CD300LF: variants seen among roughly 807,000 people sequenced by gnomAD.
CD300LF encodes CMRF35-like molecule 1.
Under a neutral mutation model 32.2 loss-of-function variants are expected in CD300LF, and 27 were observed. The ratio of observed to expected loss-of-function variants is 0.84; its 90% CI spans 0.62 to 1.15. The LOEUF is 1.15. CD300LF is among the 50% of genes most tolerant of loss of function. The probability of loss-of-function intolerance (pLI) is 0.00; values close to 1 mark genes in which losing one functional copy is unlikely to be tolerated. For synonymous variants in CD300LF, 139 were observed against 143.2 expected, an observed-to-expected ratio of 0.97 and a Z score of 0.21; for missense variants, 348 against 356.8, an observed-to-expected ratio of 0.98 and a Z score of 0.20.
chr17:74,712,650 C>T (rs1427106053), intron 1 of CD300LF, among the ~76,000 whole-genome samples, 174 bp downstream of exon 1: 3 of 152,328 alleles, frequency 2.0e-5, no homozygotes, highest in Middle Eastern at 3.4e-3. Flanking sequence ...GAAGGTCATG[C>T]CCTGTATTCC....
At chr17:74,696,055 C>T in intron 5 of CD300LF, 140 bp downstream of exon 5, 1 of 1,282,552 alleles carries the variant, frequency 7.8e-7, no homozygotes, top group East Asian at 2.3e-5. Flanking sequence ...CCTCAGCCCC[C>T]AGGCCCTGCA....
At chr17:74,712,781 G>T in intron 1 of CD300LF, 43 bp downstream of exon 1, 3 of 1,610,996 alleles carry the variant, frequency 1.9e-6, no homozygotes, top group East Asian at 4.5e-5. Context: ...ACCTCCTCCT[G>T]CTTGCTAAGC....
intron 6 of CD300LF, 117 bp from the exon 7 acceptor site, chr17:74,695,368 C>T: frequency 8.1e-7 from 1 of 1,235,490 alleles, no homozygotes; most frequent in East Asian, 2.4e-5. Context: ...TAATCCCACT[C>T]AAGCCCTCCA....
chr17:74,694,629 A>C lies in CD300LF; in HGVS notation c.*467T>G, dbSNP rs1397462211. 1 of 152,748 alleles carries C rather than the reference A, an allele frequency of 6.5e-6. No homozygotes were observed. The highest frequency in any genetic ancestry group is 2.1e-4 in the South Asian group (1 of 4,842). The allele number at this position is 152,748 out of a possible 1,614,324, so 9.5% of individuals were successfully genotyped here. A position where few individuals can be genotyped will look rare whatever the true frequency, so the allele number is the denominator to read the frequency against. On this transcript the variant is annotated 3_prime_UTR_variant, in exon 7 of 7. Transcript: ENST00000326165. The stretch of plus-strand genomic sequence containing the variant: ...TCAGCAAGAATAACCTCTCTATCTC[A>C]AAGTCCTTAACTTACATACATCTGC...
At chr17:74,708,248 T>C (rs1049200510) in intron 1 of CD300LF, among the ~76,000 whole-genome samples, 1 of 152,092 alleles carries the variant, frequency 6.6e-6, no homozygotes, top group Non-Finnish European at 1.5e-5. Flanking sequence ...ATTCCACAGC[T>C]ATTATATTTA....
chr17:74,694,750 TA>T lies in CD300LF; in HGVS notation c.*345del, dbSNP rs950720458. On this transcript the variant is annotated 3_prime_UTR_variant, in exon 7 of 7. Transcript: ENST00000326165. ...CCATTATTCAGCCCATAACATGTGGTAGGCAATAAATAAAGGTTCATTGTAT... is the reference window on the plus strand; with the variant it reads ...CCATTATTCAGCCCATAACATGTGGTGGCAATAAATAAAGGTTCATTGTAT... 5.3e-6 allele frequency: 1 copy of T among 188,818 alleles called. No homozygotes were observed. Among genetic ancestry groups the T allele is most frequent in the African/African-American group, 2.3e-5 (1 of 42,702 alleles). The allele number at this position is 188,818 out of a possible 1,614,324, so 11.7% of individuals were successfully genotyped here.
chr17:74,701,866 A>C, intron 3 of CD300LF, among the ~76,000 whole-genome samples: 1 of 140,704 alleles, frequency 7.1e-6, no homozygotes, highest in South Asian at 2.2e-4. Context: ...AAAAAAAAAA[A>C]CAATTAGCTG....
Position 74,704,457 on chromosome 17 carries a change from C to A in CD300LF, c.382+21G>T, listed in dbSNP as rs780564137. On this transcript the variant is annotated intron_variant, in intron 2 of 6. Transcript: ENST00000326165. ...CAGAGCAGGCCCTGAGAGACACACACATATATACACTCCCTCTTACCTGGG... is the reference window on the plus strand; with the variant it reads ...CAGAGCAGGCCCTGAGAGACACACAAATATATACACTCCCTCTTACCTGGG... 1.9e-6 allele frequency: 3 copies of A among 1,556,498 alleles called. No homozygotes were observed. The South Asian group carries it at 3.5e-5, about 18-fold the overall frequency.
Position 74,695,002 on chromosome 17 carries a change from G to A in CD300LF, c.*94C>T, listed in dbSNP as rs1029945330. ...TGATCAGGCAGAGGCACCAGTCCCC[G>A]GGTTGGTCCTGATGAGGGGAGCAGG... On this transcript the variant is annotated 3_prime_UTR_variant, in exon 7 of 7. Coordinates refer to ENST00000326165, the MANE Select transcript of CD300LF (RefSeq NM_139018.5). 4.3e-5 allele frequency: 59 copies of A among 1,364,318 alleles called. No individual in the cohort carries two copies. The highest frequency in any genetic ancestry group is 9.8e-5 in the South Asian group (7 of 71,624). 84.5% of individuals were successfully genotyped at this position (1,364,318 alleles called of 1,614,324 possible).
At position 74,704,496 on chromosome 17, in the gene CD300LF, G is replaced by A. The variant is rs762766941; in HGVS notation, c.364C>T (p.Gln122Ter). Reference protein sequence around the residue: ...KTGNDLGVTVQVTIDPAPVTQ... With the variant: ...KTGNDLGVTV Reference sequence around the variant, plus strand: ...CTCTTACCTGGGTCAATGGTCACTTGAACTGTGACCCCAAGGTCATTTCCA... The same window carrying A: ...CTCTTACCTGGGTCAATGGTCACTTAAACTGTGACCCCAAGGTCATTTCCA... The change falls in exon 2 of 7, where the codon CAA becomes TAA. Residue 122 changes from glutamine to a stop codon, truncating the protein, a stop_gained. Transcript: ENST00000326165. LOFTEE classifies it high-confidence loss of function. 6 of 1,612,668 alleles carry A rather than the reference G, an allele frequency of 3.7e-6. No homozygotes were observed. Among genetic ancestry groups the A allele is most frequent in the Admixed American group, 1.7e-5 (1 of 59,974 alleles).
chr17:74,708,795 A>C lies in CD300LF; in HGVS notation c.44-3979T>G, dbSNP rs937600674. Among the ~76,000 whole-genome samples the C allele has an allele frequency of 2.0e-5, 3 of 152,054 alleles. No individual in the cohort carries two copies. In the East Asian group the frequency reaches 5.8e-4, roughly 29 times the overall value. On this transcript the variant is annotated intron_variant, in intron 1 of 6. Coordinates refer to ENST00000326165, the MANE Select transcript of CD300LF (RefSeq NM_139018.5). ...GCCAGGCGTGGTGGCGGGCGCCTGT[A>C]GTCCCAGCTACTCGGAGGCTGAGGC... is the stretch of plus-strand genomic sequence containing the variant.
intron 3 of CD300LF, among the ~76,000 whole-genome samples, chr17:74,701,724 C>T (rs2033063084): frequency 6.6e-6 from 1 of 151,938 alleles, no homozygotes. Context: ...GTGGCTTACG[C>T]CTGTAGTTGC....
intron 1 of CD300LF, among the ~76,000 whole-genome samples, chr17:74,708,319 T>C (rs2033679431): frequency 6.6e-6 from 1 of 152,182 alleles, no homozygotes; most frequent in African/African-American, 2.4e-5. Context: ...CCATACAGCT[T>C]CAATGGAAAT....
intron 4 of CD300LF, among the ~76,000 whole-genome samples, chr17:74,697,766 T>A (rs2032635885): frequency 1.3e-5 from 2 of 152,100 alleles, no homozygotes; most frequent in South Asian, 4.1e-4. Flanking sequence ...AAAGGGCAAG[T>A]AGGTCAGCCT....
In CD300LF at chr17:74,704,661, T is replaced by G; in HGVS notation, c.199A>C (p.Lys67Gln). Residue 67 changes from lysine (K) to glutamine (Q), a missense_variant, in exon 2 of 7, where the codon AAA (lysine) becomes CAA (glutamine). Transcript: ENST00000326165. ...ACCTCCTGCTCTGACCCACTGGTTT[T>G]AACAAGGATCTTGCAGTCACGCCAA... ...AIWRDCKILV[K>Q]TSGSEQEVKR... 1 of 1,614,164 alleles carries G rather than the reference T, an allele frequency of 6.2e-7. No individual in the cohort carries two copies. Among genetic ancestry groups the G allele is most frequent in the Non-Finnish European group, 8.5e-7 (1 of 1,180,010 alleles).
chr17:74,695,956 C>T, intron 5 of CD300LF, 97 bp from the exon 6 acceptor site: 1 of 1,419,918 alleles, frequency 7.0e-7, no homozygotes, highest in Non-Finnish European at 9.6e-7. Context: ...CTCCACTTCC[C>T]CAGGTGCCCC....
chr17:74,698,531 C>G, intron 3 of CD300LF, 50 bp from the exon 4 acceptor site: 2 of 1,566,974 alleles, frequency 1.3e-6, no homozygotes, highest in Non-Finnish European at 1.7e-6. Context: ...CCACCTGCCT[C>G]TCAGCCCAAT....
At chr17:74,706,669 AAAAAC>A (rs905552893) in intron 1 of CD300LF, among the ~76,000 whole-genome samples, 1 of 152,164 alleles carries the variant, frequency 6.6e-6, no homozygotes, top group Non-Finnish European at 1.5e-5. Flanking sequence ...ACTCCATCTC[AAAAAC>A]AAAACAAAAC....
intron 1 of CD300LF, among the ~76,000 whole-genome samples, chr17:74,710,597 G>A (rs1460831173): frequency 1.3e-5 from 2 of 151,746 alleles, no homozygotes; most frequent in Non-Finnish European, 1.5e-5. Context: ...GGTGGCTCAC[G>A]CCTGTAATCC....
Sources: allele counts gnomAD v4.1 joint callset (sites outside exome capture counted in the v4.1 genomes callset), GRCh38; gene constraint gnomAD v4.1.1; transcripts MANE v1.5; gene names NCBI Gene and HGNC (gene_info 2026-07-23, HGNC 2026-07-21).